GALNT13: variants seen among roughly 807,000 people sequenced by gnomAD.
GALNT13 encodes UDP-GalNAc:polypeptide N-acetylgalactosaminyltransferase 13.
GALNT13 carries 28 observed loss-of-function variants against 64.2 expected under a neutral mutation model. The observed-to-expected ratio is 0.44, with a 90% CI of 0.32 to 0.60. The LOEUF is 0.60. Among genes scored for constraint, GALNT13 ranks in the 20% least tolerant of loss-of-function variants. GALNT13 has a pLI of 0.05. For missense variants in GALNT13, 577 were observed against 669.8 expected (o/e 0.86, Z 1.53); for synonymous variants, 214 against 224.6 (o/e 0.95, Z 0.42).
At chr2:153,186,146 A>G in the GALNT13 span, among the ~76,000 whole-genome samples, 1 of 152,072 alleles carries the variant, frequency 6.6e-6, no homozygotes, top group Non-Finnish European at 1.5e-5. Flanking sequence ...GTGCTCCTGT[A>G]TGGGTGCATG....
intron 9 of GALNT13, among the ~76,000 whole-genome samples, chr2:154,388,241 C>T (rs147179829): frequency 6.6e-6 from 1 of 152,262 alleles, no homozygotes; most frequent in Non-Finnish European, 1.5e-5. Flanking sequence ...TGTTCACGAC[C>T]TTTGCCCATT....
chr2:154,208,445 TA>T (rs1687585695), intron 4 of GALNT13, among the ~76,000 whole-genome samples: 1 of 152,170 alleles, frequency 6.6e-6, no homozygotes, highest in South Asian at 2.1e-4. Context: ...AATCTAATAT[TA>T]GGTAATAGTT....
At chr2:153,319,972 T>A in the GALNT13 span, among the ~76,000 whole-genome samples, 1 of 152,030 alleles carries the variant, frequency 6.6e-6, no homozygotes, top group South Asian at 2.1e-4. Flanking sequence ...TGAAAAAAAA[T>A]GTGTGATTGA....
the GALNT13 span, among the ~76,000 whole-genome samples, chr2:153,789,407 G>A: frequency 2.0e-5 from 3 of 152,108 alleles, no homozygotes; most frequent in Non-Finnish European, 4.4e-5. Context: ...GAACAAAGAT[G>A]CAACATGCCA....
the GALNT13 span, among the ~76,000 whole-genome samples, chr2:153,804,890 T>C: frequency 6.6e-6 from 1 of 152,032 alleles, no homozygotes; most frequent in East Asian, 1.9e-4. Flanking sequence ...ACAAGAAGGT[T>C]GTAAAATAAA....
the GALNT13 span, among the ~76,000 whole-genome samples, chr2:153,087,405 C>T: frequency 2.0e-5 from 3 of 152,100 alleles, no homozygotes; most frequent in Non-Finnish European, 4.4e-5. Flanking sequence ...ATGATCTTTG[C>T]ATCTATGTTC....
chr2:154,160,150 C>G (rs775774193), intron 4 of GALNT13, among the ~76,000 whole-genome samples: 1 of 152,168 alleles, frequency 6.6e-6, no homozygotes, highest in Non-Finnish European at 1.5e-5. Context: ...TTAAAAGTCT[C>G]ATTTTTAGAT....
At chr2:153,456,257 T>A in the GALNT13 span, among the ~76,000 whole-genome samples, 1 of 152,222 alleles carries the variant, frequency 6.6e-6, no homozygotes, top group South Asian at 2.1e-4. Flanking sequence ...CTTTTCTGCC[T>A]AGAGTGTATC....
At chr2:153,828,495 G>A in the GALNT13 span, among the ~76,000 whole-genome samples, 1 of 152,188 alleles carries the variant, frequency 6.6e-6, no homozygotes, top group Admixed American at 6.5e-5. Context: ...CAGGGCCCAA[G>A]TTGTACCTTG....
chr2:153,907,914 G>A (rs752207182), intron 2 of GALNT13, among the ~76,000 whole-genome samples: 1 of 152,114 alleles, frequency 6.6e-6, no homozygotes, highest in Non-Finnish European at 1.5e-5. Context: ...ATTCCTTTAT[G>A]TATATACCCA....
the GALNT13 span, among the ~76,000 whole-genome samples, chr2:153,661,983 GTAC>G: frequency 2.0e-5 from 3 of 152,164 alleles, no homozygotes; most frequent in South Asian, 6.2e-4. Context: ...AAGAAAATGT[GTAC>G]TCTTAGTTTT....
At chr2:153,689,876 AG>A in the GALNT13 span, among the ~76,000 whole-genome samples, 1,035 of 152,134 alleles carry the variant, frequency 6.8e-3, 7 homozygotes, top group Non-Finnish European at 0.011. Context: ...TTTTTCTAAA[AG>A]GGACATTCAT....
At chr2:153,947,805 A>G (rs1483734995) in intron 3 of GALNT13, among the ~76,000 whole-genome samples, 1 of 151,912 alleles carries the variant, frequency 6.6e-6, no homozygotes, top group Non-Finnish European at 1.5e-5. Context: ...CAGGGTTATT[A>G]TAGTTTTGGG....
At chr2:153,344,703 T>C in the GALNT13 span, among the ~76,000 whole-genome samples, 2 of 152,212 alleles carry the variant, frequency 1.3e-5, no homozygotes, top group African/African-American at 4.8e-5. Context: ...ATAATAATAG[T>C]GTATTATATA....
At chr2:153,399,969 G>A in the GALNT13 span, among the ~76,000 whole-genome samples, 1 of 151,726 alleles carries the variant, frequency 6.6e-6, no homozygotes, top group Admixed American at 6.6e-5. Context: ...ATGTTGAATA[G>A]GAGTGGTGAG....
chr2:153,296,920 G>T, the GALNT13 span, among the ~76,000 whole-genome samples: 25 of 152,080 alleles, frequency 1.6e-4, no homozygotes, highest in Non-Finnish European at 3.1e-4. Flanking sequence ...TTTCCCATAG[G>T]ATCACATGAT....
At chr2:154,058,383 G>A (rs1700006812) in intron 3 of GALNT13, among the ~76,000 whole-genome samples, 2 of 152,128 alleles carry the variant, frequency 1.3e-5, no homozygotes, top group Admixed American at 1.3e-4. Flanking sequence ...TAAATAATAA[G>A]TGTAATACAT....
the GALNT13 span, among the ~76,000 whole-genome samples, chr2:153,647,379 G>A: frequency 6.6e-6 from 1 of 152,238 alleles, no homozygotes; most frequent in East Asian, 1.9e-4. Context: ...TTTGTCAGAT[G>A]AGTAGATTGC....
At chr2:154,122,591 C>T (rs1558970436) in intron 3 of GALNT13, among the ~76,000 whole-genome samples, 1 of 152,006 alleles carries the variant, frequency 6.6e-6, no homozygotes, top group Non-Finnish European at 1.5e-5. Flanking sequence ...ATTGATTCAA[C>T]TTCTACAACA....
Sources: allele counts gnomAD v4.1 joint callset (sites outside exome capture counted in the v4.1 genomes callset), GRCh38; gene constraint gnomAD v4.1.1; transcripts MANE v1.5; gene names NCBI Gene and HGNC (gene_info 2026-07-23, HGNC 2026-07-21).